MAPK14: variants seen among roughly 807,000 people sequenced by gnomAD.
MAPK14 encodes CSAID-binding protein.
In MAPK14, 16 loss-of-function variants were observed where a neutral mutation model predicts 49.6. The ratio of observed to expected loss-of-function variants is 0.32; its 90% CI spans 0.22 to 0.49. The LOEUF (loss-of-function observed/expected upper bound fraction) is 0.49. Ranked by LOEUF, MAPK14 falls within the 20% of genes least tolerant of loss-of-function variation. The pLI is 0.99. For missense variants in MAPK14, 200 were observed against 441.2 expected (o/e 0.45, Z 4.90); for synonymous variants, 142 against 158.0 (o/e 0.90, Z 0.76).
rs1196353693 is a variant in MAPK14, at chr6:36,092,482, G to T, written c.683-3505G>T. 6 of 600,814 alleles carry T rather than the reference G, an allele frequency of 1.0e-5. No individual in the cohort carries two copies. In the East Asian group the frequency reaches 1.2e-4, roughly 12 times the overall value. 37.2% of individuals were successfully genotyped at this position (600,814 alleles called of 1,614,324 possible). ...ATGACCGCTACATCATCACCAGTCT[G>T]TTCTTTCCTGGTTGTATGTTTCACT... On this transcript the variant is annotated intron_variant, in intron 8 of 11. Transcript: ENST00000229794.
At chr6:36,035,172 C>T (rs1238455088) in intron 1 of MAPK14, among the ~76,000 whole-genome samples, 2 of 152,106 alleles carry the variant, frequency 1.3e-5, no homozygotes, top group Non-Finnish European at 2.9e-5. Flanking sequence ...GCTGGGATTA[C>T]AGGTGTGAGC....
At chr6:36,060,336 T>G (rs1481777566) in intron 3 of MAPK14, among the ~76,000 whole-genome samples, 1 of 152,212 alleles carries the variant, frequency 6.6e-6, no homozygotes, top group East Asian at 1.9e-4. Flanking sequence ...AGTGTTCCCA[T>G]GTATGTGTGA....
intron 3 of MAPK14, among the ~76,000 whole-genome samples, chr6:36,072,660 G>C (rs772834142): frequency 6.6e-6 from 1 of 152,064 alleles, no homozygotes. Flanking sequence ...AGCAACTCGG[G>C]AGGCTGAGGC....
intron 8 of MAPK14, among the ~76,000 whole-genome samples, chr6:36,077,212 T>C (rs930513432): frequency 3.3e-5 from 5 of 152,216 alleles, no homozygotes; most frequent in Non-Finnish European, 5.9e-5. Flanking sequence ...TGGTTTATTA[T>C]AGCCCCTTTA....
At chr6:36,073,611 C>T in intron 4 of MAPK14, 80 bp from the exon 5 acceptor site, 1 of 1,117,294 alleles carries the variant, frequency 9.0e-7, no homozygotes, top group South Asian at 1.3e-5. Context: ...CTTACTGATT[C>T]ATGAAAATGT....
chr6:36,100,165 A>G (rs1466802514), intron 9 of MAPK14: 7 of 1,517,394 alleles, frequency 4.6e-6, no homozygotes, highest in East Asian at 4.5e-5. Context: ...ATGTTTAACA[A>G]TGCCCTTGAC....
intron 8 of MAPK14, among the ~76,000 whole-genome samples, chr6:36,088,825 A>G (rs1381425197): frequency 6.6e-6 from 1 of 152,226 alleles, no homozygotes; most frequent in East Asian, 1.9e-4. Context: ...GTCACTGACC[A>G]TTAGAGAAAT....
chr6:36,096,167 C>A, intron 9 of MAPK14, 101 bp downstream of exon 9: 1 of 788,160 alleles, frequency 1.3e-6, no homozygotes. Context: ...AGCACACATG[C>A]CCTTTGTGTG....
At chr6:36,033,430 C>T (rs1438421200) in intron 1 of MAPK14, among the ~76,000 whole-genome samples, 1 of 152,024 alleles carries the variant, frequency 6.6e-6, no homozygotes, top group African/African-American at 2.4e-5. Context: ...AATTCTCCTG[C>T]CTCAGCCTCC....
Position 36,065,460 on chromosome 6 carries a change from A to C in MAPK14, c.305+6113A>C, listed in dbSNP as rs554022229. ...GAAGGAGAGTTGGAAAGGTGGGGAA[A>C]GTACAAGTTCATCCAGGGGCCGAGA... On this transcript the variant is annotated intron_variant, in intron 3 of 11. Transcript: ENST00000229794. Among the ~76,000 whole-genome samples, 3 of 148,908 alleles carry C rather than the reference A, an allele frequency of 2.0e-5. No homozygotes were observed. The South Asian group carries it at 6.4e-4, about 32-fold the overall frequency.
At chr6:36,057,287 A>G (rs920769271) in intron 2 of MAPK14, among the ~76,000 whole-genome samples, 1 of 152,252 alleles carries the variant, frequency 6.6e-6, no homozygotes, top group African/African-American at 2.4e-5. Context: ...AAGGCAGGAT[A>G]TAAAACTATG....
chr6:36,119,937 AAAAGCAGACGAG>A, the MAPK14 span, among the ~76,000 whole-genome samples: 1 of 152,196 alleles, frequency 6.6e-6, no homozygotes, highest in Admixed American at 6.5e-5. Flanking sequence ...TAGTAAAACT[AAAAGCAGACGAG>A]AATAATAAAC....
In MAPK14 at chr6:36,075,854, G is replaced by A; in HGVS notation, c.502G>A (p.Asp168Asn). The change falls in exon 7 of 12, where the codon GAT becomes AAT. Residue 168 changes from aspartate (D) to asparagine (N), a missense_variant. Asp to Asn is a conservative substitution (Grantham distance 23). Around this residue, in one of 2 missense-constraint regions of MAPK14, gnomAD observed 170 missense variants for 407.0 expected, o/e 0.42. Transcript: ENST00000229794. ...TTCCTCTTCTGCCCTTTAGATTCTG[G>A]ATTTTGGACTGGCTCGGCACACAGA... is the stretch of plus-strand genomic sequence containing the variant. ...VNEDCELKIL[D>N]FGLARHTDDE... is the part of the protein sequence containing the mutation. 1 of 1,613,802 alleles carries A rather than the reference G, an allele frequency of 6.2e-7. No individual in the cohort carries two copies. The highest frequency in any genetic ancestry group is 8.5e-7 in the Non-Finnish European group (1 of 1,179,990).
chr6:36,057,130 T>C (rs571245277), intron 2 of MAPK14, among the ~76,000 whole-genome samples: 1 of 152,374 alleles, frequency 6.6e-6, no homozygotes, highest in South Asian at 2.1e-4. Context: ...TCTTGAAATT[T>C]ATTTCCTGGA....
At chr6:36,103,555 C>T (rs954137112) in intron 10 of MAPK14, among the ~76,000 whole-genome samples, 75 of 152,166 alleles carry the variant, frequency 4.9e-4, no homozygotes, top group African/African-American at 1.7e-3. Flanking sequence ...TCTTACTAAT[C>T]GTGGACTCCT....
rs73407872 is a variant in MAPK14 at position 36,061,048 on chromosome 6, G to A, written c.305+1701G>A. Among the ~76,000 whole-genome samples, 600 of 152,310 alleles carry A rather than the reference G, an allele frequency of 3.9e-3. 4 individuals are homozygous for A. The highest frequency in any genetic ancestry group is 0.014 in the African/African-American group (565 of 41,572). On this transcript the variant is annotated intron_variant, in intron 3 of 11. Transcript: ENST00000229794. Reference sequence around the variant, plus strand: ...GGGCATGTATATTACAGTTTGTTGAGCCCTACTGTATGCTATAGTTGGAAA... The same window carrying A: ...GGGCATGTATATTACAGTTTGTTGAACCCTACTGTATGCTATAGTTGGAAA...
chr6:36,090,164 CAT>C (rs913770201), intron 8 of MAPK14, among the ~76,000 whole-genome samples: 3 of 151,944 alleles, frequency 2.0e-5, no homozygotes, highest in African/African-American at 7.3e-5. Context: ...CTTTTGCAAA[CAT>C]GTTTTGAAAT....
At chr6:36,079,852 T>C (rs1455628536) in intron 8 of MAPK14, among the ~76,000 whole-genome samples, 2 of 152,024 alleles carry the variant, frequency 1.3e-5, no homozygotes, top group Non-Finnish European at 2.9e-5. Flanking sequence ...AGTAACGTTG[T>C]GGAGAAGAAA....
At chr6:36,119,336 C>G in the MAPK14 span, among the ~76,000 whole-genome samples, 1 of 152,186 alleles carries the variant, frequency 6.6e-6, no homozygotes, top group Non-Finnish European at 1.5e-5. Context: ...AACTGTAGAG[C>G]TTTCATACAT....
Sources: allele counts gnomAD v4.1 joint callset (sites outside exome capture counted in the v4.1 genomes callset), GRCh38; gene constraint gnomAD v4.1.1; regional missense constraint gnomAD v4.1.1; transcripts MANE v1.5; gene names NCBI Gene and HGNC (gene_info 2026-07-23, HGNC 2026-07-21).